Variants in SGMS1 observed in about 807,000 individuals in gnomAD.
SGMS1 encodes the protein phosphatidylcholine:ceramide cholinephosphotransferase 1.
SGMS1 carries 13 observed loss-of-function variants against 46.2 expected under a neutral mutation model. The observed-to-expected ratio is 0.28, with a 90% CI of 0.18 to 0.45. SGMS1 has a LOEUF of 0.45. Among genes scored for constraint, SGMS1 ranks in the 20% least tolerant of loss-of-function variants. The pLI, the probability that SGMS1 is intolerant of heterozygous loss-of-function variation, is 1.00. For missense variants in SGMS1, 324 were observed against 519.9 expected (o/e 0.62, Z 3.66); for synonymous variants, 203 against 187.8 (o/e 1.08, Z -0.66).
chr10:50,611,209 G>T (rs1364412659), intron 1 of SGMS1, among the ~76,000 whole-genome samples: 2 of 152,136 alleles, frequency 1.3e-5, no homozygotes, highest in East Asian at 3.8e-4. Flanking sequence ...AGAGGAAAGG[G>T]AATCAACACG....
At chr10:50,527,456 G>T (rs936837995) in intron 2 of SGMS1, among the ~76,000 whole-genome samples, 7 of 152,154 alleles carry the variant, frequency 4.6e-5, no homozygotes, top group Non-Finnish European at 1.0e-4. Flanking sequence ...CTGAGGCACA[G>T]AGAGAAAATA....
intron 6 of SGMS1, among the ~76,000 whole-genome samples, chr10:50,405,721 CA>C (rs1165177845): frequency 6.6e-6 from 1 of 152,056 alleles, no homozygotes; most frequent in Non-Finnish European, 1.5e-5. Context: ...GATAAAATCC[CA>C]AATTGAATTA....
At chr10:50,374,634 A>G (rs11005399) in intron 6 of SGMS1, among the ~76,000 whole-genome samples, 29,306 of 152,056 alleles carry the variant, frequency 0.19, 3,128 homozygotes, top group East Asian at 0.31. Flanking sequence ...ACTAGGCTCC[A>G]TAAGGTCCCA....
intron 8 of SGMS1, among the ~76,000 whole-genome samples, chr10:50,325,581 A>G (rs1163999185): frequency 1.3e-5 from 2 of 152,220 alleles, no homozygotes; most frequent in Admixed American, 6.5e-5. Context: ...TTTTGGTTAG[A>G]TATGTTGATG....
intron 1 of SGMS1, among the ~76,000 whole-genome samples, chr10:50,614,124 T>G (rs1838775317): frequency 1.3e-5 from 2 of 151,772 alleles, no homozygotes; most frequent in South Asian, 2.1e-4. Flanking sequence ...TTTTTTTTTT[T>G]GCCAATGGAA....
chr10:50,333,774 AC>A (rs1847665986), intron 7 of SGMS1, among the ~76,000 whole-genome samples: 1 of 152,228 alleles, frequency 6.6e-6, no homozygotes, highest in Non-Finnish European at 1.5e-5. Context: ...ATTCCTAGGT[AC>A]CCATACAGGG....
At chr10:50,579,545 A>C (rs1838414828) in intron 2 of SGMS1, among the ~76,000 whole-genome samples, 1 of 152,230 alleles carries the variant, frequency 6.6e-6, no homozygotes, top group Non-Finnish European at 1.5e-5. Flanking sequence ...AGACAGTCTT[A>C]GCCTTCTCAC....
At chr10:50,539,266 G>C (rs969553640) in intron 2 of SGMS1, among the ~76,000 whole-genome samples, 1 of 152,228 alleles carries the variant, frequency 6.6e-6, no homozygotes, top group African/African-American at 2.4e-5. Flanking sequence ...CATTGTTCCC[G>C]GAAGGCCAGT....
At position 50,306,212 on chromosome 10, in the gene SGMS1, C is replaced by G. The variant is rs933085595; in HGVS notation, c.*930G>C. The stretch of plus-strand genomic sequence containing the variant: ...CACAATATGTGAACAGGCTCTGACT[C>G]TAATTAACAACCTCATTATTTAAGT... On this transcript the variant is annotated 3_prime_UTR_variant, in exon 11 of 11. Coordinates refer to ENST00000361781, the MANE Select transcript of SGMS1 (RefSeq NM_147156.4). 2 of 152,546 alleles carry G rather than the reference C, an allele frequency of 1.3e-5. No homozygotes were observed. The highest frequency in any genetic ancestry group is 2.9e-5 in the Non-Finnish European group (2 of 68,006). The allele number at this position is 152,546 out of a possible 1,614,324, so 9.4% of individuals were successfully genotyped here.
At chr10:50,584,026 A>C (rs1838459458) in intron 2 of SGMS1, among the ~76,000 whole-genome samples, 1 of 152,258 alleles carries the variant, frequency 6.6e-6, no homozygotes, top group African/African-American at 2.4e-5. Context: ...AACTAAGCCT[A>C]CAGTTTCCAA....
chr10:50,415,885 G>A (rs1338839356), intron 6 of SGMS1, among the ~76,000 whole-genome samples: 1 of 152,078 alleles, frequency 6.6e-6, no homozygotes, highest in Non-Finnish European at 1.5e-5. Flanking sequence ...TCACAAACAG[G>A]GGATTCAACT....
intron 6 of SGMS1, among the ~76,000 whole-genome samples, chr10:50,383,028 T>C (rs531349298): frequency 1.3e-5 from 2 of 152,310 alleles, no homozygotes; most frequent in African/African-American, 4.8e-5. Context: ...AATAGAGTCT[T>C]AAGAAGAAGT....
chr10:50,470,900 C>A (rs376790434), intron 3 of SGMS1, among the ~76,000 whole-genome samples: 1 of 152,208 alleles, frequency 6.6e-6, no homozygotes, highest in Admixed American at 6.5e-5. Context: ...TCCTGTAAAA[C>A]GCATTTGCAT....
At chr10:50,439,280 T>C (rs770366681) in intron 5 of SGMS1, among the ~76,000 whole-genome samples, 1 of 152,180 alleles carries the variant, frequency 6.6e-6, no homozygotes, top group African/African-American at 2.4e-5. Flanking sequence ...CCACAGAGTA[T>C]ACAGCTAAAA....
At chr10:50,427,405 A>C (rs888667353) in intron 6 of SGMS1, among the ~76,000 whole-genome samples, 3 of 152,230 alleles carry the variant, frequency 2.0e-5, no homozygotes, top group Admixed American at 1.3e-4. Flanking sequence ...TCACAACAAC[A>C]ACCAAAAAGA....
chr10:50,356,889 G>T (rs1848160579), intron 6 of SGMS1, among the ~76,000 whole-genome samples: 1 of 152,038 alleles, frequency 6.6e-6, no homozygotes, highest in Non-Finnish European at 1.5e-5. Context: ...GACACAGGAA[G>T]GGGAACACCA....
intron 6 of SGMS1, among the ~76,000 whole-genome samples, chr10:50,422,253 CT>C (rs1849266093): frequency 6.6e-6 from 1 of 152,132 alleles, no homozygotes; most frequent in African/African-American, 2.4e-5. Context: ...CTAGCAGATT[CT>C]GCATAAATAG....
intron 3 of SGMS1, among the ~76,000 whole-genome samples, chr10:50,518,587 CG>C (rs1365749944): frequency 1.3e-5 from 2 of 151,996 alleles, no homozygotes; most frequent in Non-Finnish European, 2.9e-5. Context: ...CCACCATTCC[CG>C]GCTAATTTTT....
At chr10:50,320,907 G>C (rs1220746619) in intron 8 of SGMS1, among the ~76,000 whole-genome samples, 2 of 152,208 alleles carry the variant, frequency 1.3e-5, no homozygotes, top group Non-Finnish European at 2.9e-5. Flanking sequence ...CTACTACAGG[G>C]AGTCAGAGGG....
Sources: gnomAD v4.1 joint callset for allele counts (sites outside exome capture counted in the v4.1 genomes callset) on GRCh38, gnomAD v4.1.1 for gene constraint, MANE v1.5 for transcripts, NCBI Gene and HGNC (gene_info 2026-07-23, HGNC 2026-07-21) for gene names.